RPA3: variants seen among roughly 807,000 people sequenced by gnomAD.
The protein encoded by RPA3 is replication protein A 14 kDa subunit.
Under a neutral mutation model 13.7 loss-of-function variants are expected in RPA3, and 24 were observed. The observed-to-expected ratio is 1.75, with a 90% CI of 1.27 to 2.46. The LOEUF (loss-of-function observed/expected upper bound fraction) is 2.46, where lower values mean the gene tolerates loss of function less well. Ranked by LOEUF, RPA3 falls within the 30% of genes most tolerant of loss-of-function variation. The pLI is 0.00. For synonymous variants in RPA3, 59 were observed against 51.2 expected (o/e 1.15, Z -0.65); for missense variants, 183 against 151.0 (o/e 1.21, Z -1.11).
rs534394300 is a variant in RPA3 at position 7,695,084 on chromosome 7, C to T, written c.-1027-7756G>A. On this transcript the variant is annotated intron_variant, in intron 2 of 7. Transcript: ENST00000223129. ...TTCTTTTGGATAAAAGCCATTTTAA[C>T]TGGGGTGAGATGATATCTTGTTGTA... Among the ~76,000 whole-genome samples the T allele has an allele frequency of 4.9e-4, 74 of 152,296 alleles. 1 individual carries two copies. The highest frequency in any genetic ancestry group is 1.7e-3 in the African/African-American group (69 of 41,562).
intron 4 of RPA3, among the ~76,000 whole-genome samples, chr7:7,653,734 G>C (rs888403792): frequency 2.0e-5 from 3 of 152,184 alleles, no homozygotes; most frequent in Non-Finnish European, 4.4e-5. Context: ...TGTTGAAAAA[G>C]AAGTCCCTTT....
chr7:7,640,137 A>G (rs1367036701), intron 5 of RPA3, 183 bp downstream of exon 5: 6 of 641,118 alleles, frequency 9.4e-6, no homozygotes, highest in Admixed American at 5.7e-5. Flanking sequence ...TTTCCGTGCC[A>G]TAAAAGAGCG....
rs376790528 is a variant in RPA3, at chr7:7,655,595, T to A, written c.-757-14420A>T. 4.6e-5 allele frequency among the ~76,000 whole-genome samples: 7 copies of A among 152,262 alleles called. No individual in the cohort carries two copies. The East Asian group carries it at 7.7e-4, about 17-fold the overall frequency. On this transcript the variant is annotated intron_variant, in intron 4 of 7. Coordinates refer to ENST00000223129, the MANE Select transcript of RPA3 (RefSeq NM_002947.5). ...TTGGCTAAAAGTAATAACATTTAAA[T>A]TCTCAGTTGGCTGAAAGCATCTATA...
rs542719265 is a variant in RPA3 at position 7,687,984 on chromosome 7, A to T, written c.-1027-656T>A. 3.7e-4 allele frequency among the ~76,000 whole-genome samples: 56 copies of T among 152,332 alleles called. No homozygotes were observed. The South Asian group carries it at 3.7e-3, about 10-fold the overall frequency. On this transcript the variant is annotated intron_variant, in intron 2 of 7. Transcript: ENST00000223129. ...CTGTAACCCCTGAAATAGCTTGTTG[A>T]TGGATGGCTTGAAGAAGTTGATAAC...
intron 4 of RPA3, among the ~76,000 whole-genome samples, chr7:7,668,890 A>G (rs1020137344): frequency 1.3e-5 from 2 of 152,008 alleles, no homozygotes; most frequent in African/African-American, 2.4e-5. Context: ...ACAGGAAACC[A>G]CTCTATTGCA....
At chr7:7,671,029 C>T (rs994802714) in intron 4 of RPA3, among the ~76,000 whole-genome samples, 6 of 152,136 alleles carry the variant, frequency 3.9e-5, no homozygotes, top group Admixed American at 1.3e-4. Flanking sequence ...GGCACTGGGC[C>T]TCCTTGGGGG....
intron 4 of RPA3, among the ~76,000 whole-genome samples, chr7:7,643,245 A>C (rs1012354468): frequency 1.3e-5 from 2 of 152,230 alleles, no homozygotes; most frequent in Non-Finnish European, 2.9e-5. Context: ...TTAAGAGACA[A>C]AAATGGTAAA....
chr7:7,695,449 C>T (rs1384359354), intron 2 of RPA3, among the ~76,000 whole-genome samples: 2 of 151,974 alleles, frequency 1.3e-5, no homozygotes, highest in Non-Finnish European at 2.9e-5. Context: ...ATTTTTTTTA[C>T]TCTGATTCTG....
intron 4 of RPA3, among the ~76,000 whole-genome samples, chr7:7,643,688 G>A (rs1785027933): frequency 6.7e-6 from 1 of 148,794 alleles, no homozygotes; most frequent in South Asian, 2.1e-4. Flanking sequence ...CTCCAACCTG[G>A]GCCACAGAGC....
intron 4 of RPA3, among the ~76,000 whole-genome samples, chr7:7,682,623 A>T: frequency 6.6e-6 from 1 of 152,174 alleles, no homozygotes; most frequent in East Asian, 1.9e-4. Flanking sequence ...GGTTTTCAAC[A>T]TGTGCTTCCT....
intron 2 of RPA3, among the ~76,000 whole-genome samples, chr7:7,691,622 A>G (rs1004537493): frequency 6.6e-5 from 10 of 152,356 alleles, no homozygotes; most frequent in African/African-American, 2.4e-4. Context: ...TAGATTCTCT[A>G]TCCAGTGACT....
At chr7:7,664,959 A>G (rs182032216) in intron 4 of RPA3, among the ~76,000 whole-genome samples, 75 of 152,290 alleles carry the variant, frequency 4.9e-4, no homozygotes, top group African/African-American at 1.3e-3. Flanking sequence ...TGAAATTTAC[A>G]TATTTATTGT....
intron 2 of RPA3, 80 bp downstream of exon 2, chr7:7,715,095 G>A (rs1002833800): frequency 3.3e-5 from 5 of 152,042 alleles, no homozygotes; most frequent in East Asian, 3.9e-4. Flanking sequence ...AGTGTTTTAC[G>A]AGATGAACTC....
chr7:7,695,873 C>G (rs887706155), intron 2 of RPA3, among the ~76,000 whole-genome samples: 6 of 151,956 alleles, frequency 3.9e-5, no homozygotes, highest in Admixed American at 6.6e-5. Flanking sequence ...ATCTTATGCA[C>G]TAATGGTTGG....
In RPA3 at chr7:7,654,371, T is replaced by C. The variant is rs138632873; in HGVS notation, c.-757-13196A>G. ...TCTAAAATTTTCTTAGGTGAAGTTG[T>C]TAGTTTTCAAGATGACTTTATCATA... On this transcript the variant is annotated intron_variant, in intron 4 of 7. Coordinates refer to ENST00000223129, the MANE Select transcript of RPA3 (RefSeq NM_002947.5). Among the ~76,000 whole-genome samples the C allele has an allele frequency of 2.1e-3, 322 of 152,328 alleles. 2 individuals carry two copies. The highest frequency in any genetic ancestry group is 3.3e-3 in the Non-Finnish European group (222 of 68,024).
intron 4 of RPA3, among the ~76,000 whole-genome samples, chr7:7,671,695 C>T (rs1450750720): frequency 4.0e-5 from 6 of 151,852 alleles, no homozygotes; most frequent in Non-Finnish European, 7.4e-5. Context: ...TCATTTGATT[C>T]CTTGTCTTTT....
In RPA3 at chr7:7,709,247, G is replaced by A. The variant is rs572031796; in HGVS notation, c.-1028+5928C>T. ...TATGTGTGAATAATGTTATGCATGG[G>A]GTTACTTTTAATATGGATTTAACTG... On this transcript the variant is annotated intron_variant, in intron 2 of 7. Coordinates refer to ENST00000223129, the MANE Select transcript of RPA3 (RefSeq NM_002947.5). Among the ~76,000 whole-genome samples, 10 of 152,214 alleles carry A rather than the reference G, an allele frequency of 6.6e-5. 1 individual carries two copies. Among genetic ancestry groups the A allele is most frequent in the African/African-American group, 2.4e-4 (10 of 41,540 alleles).
At chr7:7,669,170 G>A (rs1779542724) in intron 4 of RPA3, among the ~76,000 whole-genome samples, 1 of 152,024 alleles carries the variant, frequency 6.6e-6, no homozygotes, top group Non-Finnish European at 1.5e-5. Flanking sequence ...CTGTATATAG[G>A]GTTTAGTACT....
chr7:7,657,159 G>A (rs773313809), intron 4 of RPA3, among the ~76,000 whole-genome samples: 11 of 151,918 alleles, frequency 7.2e-5, no homozygotes, highest in Non-Finnish European at 1.5e-4. Flanking sequence ...TTTTTGATGG[G>A]GTTGTTTTTT....
Sources: gnomAD v4.1 joint callset for allele counts (sites outside exome capture counted in the v4.1 genomes callset) on GRCh38, gnomAD v4.1.1 for gene constraint, MANE v1.5 for transcripts, NCBI Gene and HGNC (gene_info 2026-07-23, HGNC 2026-07-21) for gene names.